NOL4: variants seen among roughly 807,000 people sequenced by gnomAD.
NOL4 encodes the protein cancer/testis antigen 125.
NOL4 carries 17 observed loss-of-function variants against 75.9 expected under a neutral mutation model. The ratio of observed to expected loss-of-function variants is 0.22; its 90% CI spans 0.15 to 0.34. The LOEUF is 0.34. Among genes scored for constraint, NOL4 ranks in the 10% least tolerant of loss-of-function variants. The pLI, the probability that NOL4 is intolerant of heterozygous loss-of-function variation, is 1.00. For synonymous variants in NOL4, 292 were observed against 289.9 expected (o/e 1.01, Z -0.07); for missense variants, 614 against 793.5 (o/e 0.77, Z 2.72).
Position 34,019,180 on chromosome 18 carries a change from TAA to T in NOL4, c.1056+136_1056+137del, listed in dbSNP as rs2144428153. The T allele has an allele frequency of 7.2e-6, 5 of 690,114 alleles. No individual in the cohort carries two copies. In the South Asian group the frequency reaches 8.3e-5, roughly 11 times the overall value. The allele number at this position is 690,114 out of a possible 1,614,324, so 42.7% of individuals were successfully genotyped here. A position where few individuals can be genotyped will look rare whatever the true frequency, so the allele number is the denominator to read the frequency against. Reference sequence around the variant, plus strand: ...TATAAACACACAATATGCTTGGTGATAAGTTTCTTGGTATCCTCTTATTGGAT... The same window carrying T: ...TATAAACACACAATATGCTTGGTGATGTTTCTTGGTATCCTCTTATTGGAT... On this transcript the variant is annotated intron_variant, in intron 6 of 10. Coordinates refer to ENST00000261592, the MANE Select transcript of NOL4 (RefSeq NM_003787.5).
chr18:33,882,546 T>C (rs1307674313), intron 10 of NOL4, among the ~76,000 whole-genome samples: 2 of 150,922 alleles, frequency 1.3e-5, no homozygotes, highest in African/African-American at 4.9e-5. Context: ...CATTAAAAAG[T>C]CAGGAAACAA....
intron 9 of NOL4, among the ~76,000 whole-genome samples, chr18:33,930,852 A>T (rs984254379): frequency 6.6e-6 from 1 of 152,170 alleles, no homozygotes; most frequent in African/African-American, 2.4e-5. Flanking sequence ...TGAATGAAAA[A>T]TAAAAAATGG....
chr18:34,107,322 G>A (rs1461172761), intron 2 of NOL4, among the ~76,000 whole-genome samples: 2 of 152,072 alleles, frequency 1.3e-5, no homozygotes, highest in African/African-American at 2.4e-5. Context: ...ATGTATACAT[G>A]TGTGCATGAA....
chr18:34,105,743 T>G (rs1016147795), intron 2 of NOL4, among the ~76,000 whole-genome samples: 6 of 151,988 alleles, frequency 3.9e-5, no homozygotes, highest in Non-Finnish European at 8.8e-5. Context: ...GGCCACCTAT[T>G]TCATTCATTT....
chr18:34,129,276 T>C (rs1174876659), intron 2 of NOL4, among the ~76,000 whole-genome samples: 1 of 151,888 alleles, frequency 6.6e-6, no homozygotes, highest in African/African-American at 2.4e-5. Context: ...AAAAACATCA[T>C]ATACTTCCAT....
chr18:33,987,282 A>C, intron 6 of NOL4, among the ~76,000 whole-genome samples: 1 of 152,174 alleles, frequency 6.6e-6, no homozygotes. Flanking sequence ...CGGAGCTTGG[A>C]AAGTACATCA....
At chr18:33,973,264 T>A (rs2071223769) in intron 6 of NOL4, among the ~76,000 whole-genome samples, 1 of 152,208 alleles carries the variant, frequency 6.6e-6, no homozygotes, top group African/African-American at 2.4e-5. Context: ...ACTCCTCATC[T>A]GTTCAAGTTT....
chr18:34,209,489 G>GA (rs367954551), intron 1 of NOL4, among the ~76,000 whole-genome samples: 172 of 152,172 alleles, frequency 1.1e-3, no homozygotes, highest in African/African-American at 3.6e-3. Flanking sequence ...TGAAATCCAA[G>GA]AAAAAATGGT....
chr18:33,970,575 C>T (rs947342274), intron 6 of NOL4, among the ~76,000 whole-genome samples: 1 of 151,998 alleles, frequency 6.6e-6, no homozygotes, highest in Non-Finnish European at 1.5e-5. Context: ...ATAATAAGGC[C>T]TATACTTTAA....
chr18:34,082,427 C>T (rs2078054087), intron 5 of NOL4, among the ~76,000 whole-genome samples: 1 of 152,040 alleles, frequency 6.6e-6, no homozygotes, highest in Admixed American at 6.6e-5. Flanking sequence ...AAGCTTATTC[C>T]TCAAACAGCG....
chr18:34,220,060 G>A (rs892578513), intron 1 of NOL4, among the ~76,000 whole-genome samples: 1 of 152,180 alleles, frequency 6.6e-6, no homozygotes, highest in African/African-American at 2.4e-5. Context: ...CATCAGTTAA[G>A]TTTAGGCTTT....
intron 1 of NOL4, among the ~76,000 whole-genome samples, chr18:34,174,862 CT>C (rs947788813): frequency 6.6e-6 from 1 of 152,044 alleles, no homozygotes; most frequent in Non-Finnish European, 1.5e-5. Context: ...TGAATTCATC[CT>C]TTTTTATGGC....
intron 6 of NOL4, among the ~76,000 whole-genome samples, chr18:33,980,546 G>GA (rs1195251243): frequency 1.3e-5 from 2 of 151,910 alleles, no homozygotes; most frequent in Admixed American, 6.6e-5. Context: ...GTTGGAGGAA[G>GA]AAAATTACCC....
At chr18:34,143,993 T>C (rs1203683784) in intron 1 of NOL4, among the ~76,000 whole-genome samples, 5 of 152,142 alleles carry the variant, frequency 3.3e-5, no homozygotes, top group Admixed American at 3.3e-4. Flanking sequence ...CTATCATTGC[T>C]TCTTTCAAGC....
chr18:33,927,065 G>A (rs950466048), intron 9 of NOL4, among the ~76,000 whole-genome samples: 2 of 152,142 alleles, frequency 1.3e-5, no homozygotes, highest in Admixed American at 6.5e-5. Flanking sequence ...TCATAGAGGA[G>A]TTGGGAACAA....
intron 1 of NOL4, among the ~76,000 whole-genome samples, chr18:34,141,353 C>G (rs534332505): frequency 6.6e-6 from 1 of 151,256 alleles, no homozygotes; most frequent in African/African-American, 2.4e-5. Context: ...CATATGGAAC[C>G]AAAAAAGAGC....
intron 10 of NOL4, among the ~76,000 whole-genome samples, chr18:33,881,541 A>G (rs1280964127): frequency 6.6e-6 from 1 of 151,922 alleles, no homozygotes; most frequent in African/African-American, 2.4e-5. Flanking sequence ...ACCACTGCTC[A>G]AGGAAATAAA....
chr18:34,118,120 T>A (rs1231913917), intron 2 of NOL4, among the ~76,000 whole-genome samples: 1 of 152,218 alleles, frequency 6.6e-6, no homozygotes, highest in Non-Finnish European at 1.5e-5. Context: ...ACACAAATTT[T>A]TAAAATCACC....
chr18:34,094,761 CGTT>C lies in NOL4; in HGVS notation c.640-1167_640-1165del, dbSNP rs528517200. Among the ~76,000 whole-genome samples the C allele has an allele frequency of 1.1e-3, 175 of 152,248 alleles. 3 individuals carry two copies. In the South Asian group the frequency reaches 0.035, roughly 30 times the overall value. On this transcript the variant is annotated intron_variant, in intron 4 of 10. Transcript: ENST00000261592. ...GTAGTGCTGCTATTTATGTTGCACA[CGTT>C]GTTCTTTATATTTTATCACAACTAT...
Sources: gnomAD v4.1 joint callset for allele counts (sites outside exome capture counted in the v4.1 genomes callset) on GRCh38, gnomAD v4.1.1 for gene constraint, MANE v1.5 for transcripts, NCBI Gene and HGNC (gene_info 2026-07-23, HGNC 2026-07-21) for gene names.